Variants in B3GALNT2 observed in about 807,000 individuals in gnomAD.
The protein encoded by B3GALNT2 is UDP-GalNAc:beta-1,3-N-acetylgalactosaminyltransferase 2.
A neutral mutation model predicts 61.1 loss-of-function variants in B3GALNT2; 53 were observed. The observed-to-expected ratio is 0.87, with a 90% CI of 0.70 to 1.09. The LOEUF (loss-of-function observed/expected upper bound fraction) is 1.09. Among genes scored for constraint, B3GALNT2 ranks in the 50% least tolerant of loss-of-function variants. The pLI is 0.00. For missense variants in B3GALNT2, 544 were observed against 623.0 expected (o/e 0.87, Z 1.35); for synonymous variants, 223 against 237.4 (o/e 0.94, Z 0.56).
the B3GALNT2 span, chr1:235,441,826 C>T: frequency 8.1e-6 from 13 of 1,613,832 alleles, no homozygotes; most frequent in Non-Finnish European, 1.1e-5. Flanking sequence ...TATGGTGCAC[C>T]TGAAGATTGG....
chr1:235,482,737 G>A (rs182787368), intron 4 of B3GALNT2, among the ~76,000 whole-genome samples: 7 of 152,190 alleles, frequency 4.6e-5, no homozygotes, highest in Admixed American at 2.0e-4. Flanking sequence ...TGAGATGGGC[G>A]GATAGCTTGA....
chr1:235,465,722 G>A lies in B3GALNT2; in HGVS notation c.763-8C>T. On this transcript the variant is annotated splice_region_variant and splice_polypyrimidine_tract_variant and intron_variant, in intron 6 of 11. Transcript: ENST00000366600. ...CAATGCACCCTCCCCAGCCTGAAAGGAATAAGAATGTACTCAGTGATTCAT... is the reference window on the plus strand; with the variant it reads ...CAATGCACCCTCCCCAGCCTGAAAGAAATAAGAATGTACTCAGTGATTCAT... 1 of 1,612,774 alleles carries A rather than the reference G, an allele frequency of 6.2e-7. No individual in the cohort carries two copies. Among genetic ancestry groups the A allele is most frequent in the South Asian group, 1.1e-5 (1 of 90,932 alleles).
intron 4 of B3GALNT2, among the ~76,000 whole-genome samples, chr1:235,482,571 T>C (rs1338056217): frequency 1.3e-5 from 2 of 151,828 alleles, no homozygotes; most frequent in African/African-American, 4.8e-5. Flanking sequence ...AGACAATGTT[T>C]AGTCTGTGTC....
chr1:235,486,950 C>T (rs541542564), intron 3 of B3GALNT2, among the ~76,000 whole-genome samples: 40 of 152,088 alleles, frequency 2.6e-4, no homozygotes, highest in Admixed American at 1.7e-3. Flanking sequence ...GGGTGGATCA[C>T]GTGAGGTCAG....
chr1:235,497,760 C>G (rs577428169), intron 1 of B3GALNT2, among the ~76,000 whole-genome samples: 1 of 152,238 alleles, frequency 6.6e-6, no homozygotes, highest in South Asian at 2.1e-4. Flanking sequence ...TTCACCTGGA[C>G]CAGTACGAGG....
chr1:235,452,799 C>G (rs929963342), intron 11 of B3GALNT2, among the ~76,000 whole-genome samples: 3 of 152,052 alleles, frequency 2.0e-5, no homozygotes, highest in Non-Finnish European at 2.9e-5. Context: ...AGTGATACAC[C>G]CACCTTGGCC....
intron 1 of B3GALNT2, 44 bp downstream of exon 1, chr1:235,504,097 C>A: frequency 8.4e-7 from 1 of 1,196,640 alleles, no homozygotes; most frequent in Non-Finnish European, 1.0e-6. Context: ...CCGGGCCTCC[C>A]ACCCCCCCGG....
intron 11 of B3GALNT2, chr1:235,451,104 G>A (rs1412986424): frequency 6.6e-6 from 1 of 152,206 alleles, no homozygotes; most frequent in Non-Finnish European, 1.5e-5. Context: ...CTGATCCTTG[G>A]GTTTGGAAGG....
chr1:235,462,538 T>C (rs1463107358), intron 7 of B3GALNT2, among the ~76,000 whole-genome samples: 1 of 152,198 alleles, frequency 6.6e-6, no homozygotes, highest in African/African-American at 2.4e-5. Context: ...CACAGATCAA[T>C]CACAAAAACA....
chr1:235,453,760 C>T (rs545255701), intron 10 of B3GALNT2, among the ~76,000 whole-genome samples: 3 of 152,016 alleles, frequency 2.0e-5, no homozygotes, highest in Non-Finnish European at 4.4e-5. Flanking sequence ...AGGGATGACA[C>T]CTGTAAATAC....
At chr1:235,473,843 T>C (rs116428846) in intron 5 of B3GALNT2, among the ~76,000 whole-genome samples, 351 of 152,256 alleles carry the variant, frequency 2.3e-3, no homozygotes, top group Non-Finnish European at 3.7e-3. Flanking sequence ...CTAGAAAAGA[T>C]GATGATAAAA....
rs77267353 is a variant in B3GALNT2, at chr1:235,470,842, C to T, written c.762+8G>A. 7.7e-5 allele frequency: 124 copies of T among 1,606,438 alleles called. No homozygotes were observed. Among genetic ancestry groups the T allele is most frequent in the African/African-American group, 1.6e-4 (12 of 74,402 alleles). ...TATGCAATTAAACCTTAAAAAAAAA[C>T]GACTTACTGTAATGACTCTGAGAAC... is the stretch of plus-strand genomic sequence containing the variant. On this transcript the variant is annotated splice_region_variant and intron_variant, in intron 6 of 11. Coordinates refer to ENST00000366600, the MANE Select transcript of B3GALNT2 (RefSeq NM_152490.5).
chr1:235,501,226 T>A (rs1685568074), intron 1 of B3GALNT2, among the ~76,000 whole-genome samples: 1 of 152,230 alleles, frequency 6.6e-6, no homozygotes, highest in Admixed American at 6.5e-5. Context: ...GTCCGATGGT[T>A]ATCTCCACCT....
chr1:235,450,806 C>T (rs1313019655), intron 11 of B3GALNT2: 2 of 149,868 alleles, frequency 1.3e-5, no homozygotes, highest in Non-Finnish European at 2.9e-5. Context: ...GAGGAACAAA[C>T]GAAGAGTTAA....
rs1682703803 is a variant in B3GALNT2 at position 235,448,987 on chromosome 1, T to G, written c.*1219A>C. On this transcript the variant is annotated 3_prime_UTR_variant, in exon 12 of 12. Transcript: ENST00000366600. ...CTACTAATGATTTTCTGATCTTATTTCATATTTATTTTTACAGCTCATCAC... is the reference window on the plus strand; with the variant it reads ...CTACTAATGATTTTCTGATCTTATTGCATATTTATTTTTACAGCTCATCAC... The G allele has an allele frequency of 6.5e-6, 3 of 458,384 alleles. No individual in the cohort carries two copies. Among genetic ancestry groups the G allele is most frequent in the Non-Finnish European group, 1.2e-5 (3 of 249,060 alleles). The allele number at this position is 458,384 out of a possible 1,614,324, so 28.4% of individuals were successfully genotyped here.
rs1216333983 is a variant in B3GALNT2 at position 235,474,969 on chromosome 1, ATATATATATATATATATATTTTT to A, written c.652-4032_652-4010del. On this transcript the variant is annotated intron_variant, in intron 5 of 11. Transcript: ENST00000366600. The stretch of plus-strand genomic sequence containing the variant: ...TAGAGACATATATATATATATATAT[ATATATATATATATATATATTTTT>A]TTTTTTTTTTTTTTTTTTGAGACGG... Among the ~76,000 whole-genome samples, 168 of 28,778 alleles carry A rather than the reference ATATATATATATATATATATTTTT, an allele frequency of 5.8e-3. 7 individuals are homozygous for A. Among genetic ancestry groups the A allele is most frequent in the African/African-American group, 0.029 (148 of 5,162 alleles). 18.9% of individuals were successfully genotyped at this position (28,778 alleles called of 152,430 possible).
At chr1:235,495,406 C>T (rs567216113) in intron 1 of B3GALNT2, among the ~76,000 whole-genome samples, 2 of 152,070 alleles carry the variant, frequency 1.3e-5, no homozygotes, top group Admixed American at 6.6e-5. Context: ...TTAAGTTTGG[C>T]GGATGACGCT....
intron 2 of B3GALNT2, among the ~76,000 whole-genome samples, chr1:235,492,427 G>A (rs959211434): frequency 2.0e-5 from 3 of 152,066 alleles, no homozygotes; most frequent in African/African-American, 7.2e-5. Flanking sequence ...AATCAAGCAC[G>A]CTAAATTTAA....
chr1:235,465,442 G>A (rs1482376887), intron 7 of B3GALNT2, 194 bp downstream of exon 7: 3 of 846,248 alleles, frequency 3.5e-6, no homozygotes, highest in Non-Finnish European at 5.2e-6. Context: ...TGGGTGTGGG[G>A]TTTCCTTTTG....
Sources: gnomAD v4.1 joint callset for allele counts (sites outside exome capture counted in the v4.1 genomes callset) on GRCh38, gnomAD v4.1.1 for gene constraint, MANE v1.5 for transcripts, NCBI Gene and HGNC (gene_info 2026-07-23, HGNC 2026-07-21) for gene names.